RARB: variants seen among roughly 807,000 people sequenced by gnomAD.
The protein encoded by RARB is retinoic acid receptor beta.
RARB carries 17 observed loss-of-function variants against 51.9 expected under a neutral mutation model. The ratio of observed to expected loss-of-function variants is 0.33; its 90% CI spans 0.22 to 0.49. RARB has a LOEUF of 0.49. Ranked by LOEUF, RARB falls within the 20% of genes least tolerant of loss-of-function variation. The probability of loss-of-function intolerance (pLI) is 0.99; values close to 1 mark genes in which losing one functional copy is unlikely to be tolerated. For synonymous variants in RARB, 215 were observed against 195.4 expected (o/e 1.10, Z -0.84); for missense variants, 369 against 550.8 (o/e 0.67, Z 3.30).
Position 25,081,586 on chromosome 3 carries a change from CATATATATAT to C in RARB, c.-328+21437_-328+21446del, listed in dbSNP as rs1161956011. 3.9e-3 allele frequency among the ~76,000 whole-genome samples: 76 copies of C among 19,636 alleles called. 3 individuals carry two copies. The highest frequency in any genetic ancestry group is 6.3e-3 in the African/African-American group (30 of 4,756). 12.9% of individuals were successfully genotyped at this position (19,636 alleles called of 152,430 possible). On this transcript the variant is annotated intron_variant, in intron 3 of 11. Coordinates refer to the RARB transcript ENST00000383772. Reference sequence around the variant, plus strand: ...CTTTTGCTAGTGTTTGCTTCATATACATATATATATATATATATATATATATATATATATA... The same window carrying C: ...CTTTTGCTAGTGTTTGCTTCATATACATATATATATATATATATATATATA...
intron 5 of RARB, among the ~76,000 whole-genome samples, chr3:25,224,062 A>G (rs1702002765): frequency 6.6e-6 from 1 of 152,202 alleles, no homozygotes; most frequent in Non-Finnish European, 1.5e-5. Flanking sequence ...GAATGTTAAC[A>G]CTTGAAGATG....
chr3:25,278,733 C>T (rs1703452409), intron 5 of RARB, among the ~76,000 whole-genome samples: 1 of 152,106 alleles, frequency 6.6e-6, no homozygotes, highest in African/African-American at 2.4e-5. Context: ...TGCATGTGTA[C>T]CATATTATGT....
intron 2 of RARB, among the ~76,000 whole-genome samples, chr3:24,888,496 T>C (rs1037155181): frequency 6.6e-6 from 1 of 152,102 alleles, no homozygotes; most frequent in African/African-American, 2.4e-5. Context: ...TTAATGATCA[T>C]GCATAGAAGT....
At chr3:24,892,137 G>A (rs1313799300) in intron 2 of RARB, among the ~76,000 whole-genome samples, 1 of 151,600 alleles carries the variant, frequency 6.6e-6, no homozygotes, top group Non-Finnish European at 1.5e-5. Flanking sequence ...CCAGATGAAG[G>A]AGGACATGTT....
At chr3:25,397,519 T>C (rs1013428808) in intron 5 of RARB, among the ~76,000 whole-genome samples, 5 of 152,246 alleles carry the variant, frequency 3.3e-5, no homozygotes, top group Non-Finnish European at 7.3e-5. Context: ...CACTGTTCTG[T>C]CATCCAAGTG....
At chr3:25,174,305 T>A in exon 5 of RARB, 1 of 1,112,790 alleles carries the variant, frequency 9.0e-7, no homozygotes, top group East Asian at 4.8e-5. Context: ...CAGCCTCAAC[T>A]CCTGCAGTGC....
chr3:24,912,139 A>G (rs1023457113), intron 2 of RARB, among the ~76,000 whole-genome samples: 9 of 152,156 alleles, frequency 5.9e-5, no homozygotes, highest in African/African-American at 1.9e-4. Flanking sequence ...TGCAGATAGC[A>G]GGAGAGTTGC....
chr3:25,580,233 G>A (rs1438033026), intron 4 of RARB, among the ~76,000 whole-genome samples: 2 of 152,130 alleles, frequency 1.3e-5, no homozygotes, highest in African/African-American at 4.8e-5. Flanking sequence ...GGTTAGCTGG[G>A]CATGGTGGCA....
intron 1 of RARB, among the ~76,000 whole-genome samples, chr3:24,832,628 A>AATAT (rs10526610): frequency 0.012 from 1,105 of 88,412 alleles, 61 homozygotes; most frequent in Admixed American, 0.016. Flanking sequence ...ATTGAGTCCC[A>AATAT]ATATATATAT....
intron 2 of RARB, among the ~76,000 whole-genome samples, chr3:24,873,535 G>A (rs1442921227): frequency 1.3e-5 from 2 of 151,654 alleles, no homozygotes; most frequent in Non-Finnish European, 2.9e-5. Context: ...CTTCTCAGGG[G>A]ACCAAATGGA....
intron 5 of RARB, among the ~76,000 whole-genome samples, chr3:25,588,073 C>G (rs1305970791): frequency 1.4e-4 from 21 of 152,180 alleles, no homozygotes; most frequent in Admixed American, 1.4e-3. Context: ...TCTCAGAGCT[C>G]ATATTCTAGA....
At chr3:24,868,219 T>C (rs1702885714) in intron 2 of RARB, among the ~76,000 whole-genome samples, 1 of 152,184 alleles carries the variant, frequency 6.6e-6, no homozygotes, top group South Asian at 2.1e-4. Flanking sequence ...TCTGTCCAGA[T>C]GCTATTGTCT....
intron 5 of RARB, among the ~76,000 whole-genome samples, chr3:25,383,669 T>C (rs1706698188): frequency 6.6e-6 from 1 of 152,242 alleles, no homozygotes; most frequent in Non-Finnish European, 1.5e-5. Context: ...GGCTCACGCC[T>C]GTAATCCCAG....
At chr3:25,499,711 T>G (rs541008648) in intron 2 of RARB, among the ~76,000 whole-genome samples, 94 of 152,230 alleles carry the variant, frequency 6.2e-4, no homozygotes, top group African/African-American at 2.2e-3. Context: ...ATGAAGGGAA[T>G]AGTAGGATGA....
intron 5 of RARB, among the ~76,000 whole-genome samples, chr3:25,374,268 G>A (rs1474758788): frequency 1.3e-5 from 2 of 151,986 alleles, no homozygotes; most frequent in African/African-American, 2.4e-5. Flanking sequence ...CAGAAAAGAG[G>A]GTCTGAGGAC....
intron 5 of RARB, among the ~76,000 whole-genome samples, chr3:25,232,860 G>A (rs538676497): frequency 5.9e-5 from 9 of 151,954 alleles, no homozygotes; most frequent in Non-Finnish European, 1.2e-4. Flanking sequence ...TTTTATGTTA[G>A]ATGATTGTGT....
At chr3:25,211,499 A>G (rs555962724) in intron 5 of RARB, among the ~76,000 whole-genome samples, 2 of 152,386 alleles carry the variant, frequency 1.3e-5, no homozygotes, top group Admixed American at 1.3e-4. Flanking sequence ...AAATTTATTA[A>G]TAAAGATCAA....
Position 25,070,880 on chromosome 3 carries a change from G to A in RARB, c.-328+10704G>A, listed in dbSNP as rs567621031. On this transcript the variant is annotated intron_variant, in intron 3 of 11. Coordinates refer to the RARB transcript ENST00000383772. ...GTGTACTAGTACTGGTGTCTCTATT[G>A]CCTTGTTGTTAAATTTTAGGGAGGA... Among the ~76,000 whole-genome samples, 20 of 152,216 alleles carry A rather than the reference G, an allele frequency of 1.3e-4. No individual in the cohort carries two copies. In the South Asian group the frequency reaches 4.2e-3, roughly 32 times the overall value.
rs190321811 is a variant in RARB, at chr3:25,471,420, C to T, written c.306+10079C>T. Among the ~76,000 whole-genome samples the T allele has an allele frequency of 5.4e-3, 826 of 152,258 alleles. 2 individuals are homozygous for T. Among genetic ancestry groups the T allele is most frequent in the Non-Finnish European group, 8.0e-3 (544 of 68,020 alleles). On this transcript the variant is annotated intron_variant, in intron 2 of 7. Transcript: ENST00000330688. ...CAGCTGAAATGACAATCTACCTTTT[C>T]CTAGTAATAATTCCTACGGAAGGAG... is the stretch of plus-strand genomic sequence containing the variant.
Sources: gnomAD v4.1 joint callset for allele counts (sites outside exome capture counted in the v4.1 genomes callset) on GRCh38, gnomAD v4.1.1 for gene constraint, MANE v1.5 for transcripts, NCBI Gene and HGNC (gene_info 2026-07-23, HGNC 2026-07-21) for gene names.